CRYM: variants seen among roughly 807,000 people sequenced by gnomAD.
CRYM encodes the protein crystallin mu.
A neutral mutation model predicts 32.9 loss-of-function variants in CRYM; 18 were observed. That is an observed-to-expected ratio of 0.55 (90% confidence interval 0.38 to 0.81). The LOEUF (loss-of-function observed/expected upper bound fraction) is 0.81. Among genes scored for constraint, CRYM ranks in the 30% least tolerant of loss-of-function variants. The probability of loss-of-function intolerance (pLI) is 0.00; values close to 1 mark genes in which losing one functional copy is unlikely to be tolerated. For synonymous variants in CRYM, 153 were observed against 152.4 expected, an observed-to-expected ratio of 1.00 and a Z score of -0.03; for missense variants, 337 against 393.5, an observed-to-expected ratio of 0.86 and a Z score of 1.21.
chr16:21,261,851 A>C (rs945783432), intron 6 of CRYM, 186 bp downstream of exon 6: 6 of 633,548 alleles, frequency 9.5e-6, no homozygotes, highest in Non-Finnish European at 1.4e-5. Context: ...CACCACCCAT[A>C]ATGCCCATAT....
At chr16:21,290,605 A>G (rs74670026) in intron 1 of CRYM, among the ~76,000 whole-genome samples, 2,521 of 152,338 alleles carry the variant, frequency 0.017, 87 homozygotes, top group East Asian at 0.079. Context: ...GCTCAGACTT[A>G]TAATTTCATC....
At chr16:21,297,744 T>C (rs931790751) in intron 1 of CRYM, among the ~76,000 whole-genome samples, 5 of 152,188 alleles carry the variant, frequency 3.3e-5, no homozygotes, top group African/African-American at 1.2e-4. Flanking sequence ...TGACATGTAA[T>C]TACAGAACAG....
chr16:21,277,491 G>C lies in CRYM; in HGVS notation c.264C>G (p.Val88=). Residue 88 remains valine (V), a synonymous_variant, in exon 2 of 8, where the codon GTC becomes GTG. Coordinates refer to ENST00000572914, the MANE Select transcript of CRYM (RefSeq NM_001376256.1). This position sits in a 1 kb window ranked among gnomAD's most constrained non-coding sequence, Gnocchi z 4.2. ...TFYEDRGITS[V]VPSHQATVLL... ...GCACAGTAGCCTGGTGGGAAGGGAC[G>C]ACCGAGGTGATGCCGCGGTCCTCGT... 1 of 1,613,830 alleles carries C rather than the reference G, an allele frequency of 6.2e-7. No individual in the cohort carries two copies. The highest frequency in any genetic ancestry group is 8.5e-7 in the Non-Finnish European group (1 of 1,179,986).
At chr16:21,275,475 G>T in intron 3 of CRYM, 57 bp downstream of exon 3, 2 of 1,496,432 alleles carry the variant, frequency 1.3e-6, no homozygotes, top group South Asian at 2.3e-5. Flanking sequence ...TCAAGATTGA[G>T]ACACCAGACC....
intron 7 of CRYM, among the ~76,000 whole-genome samples, chr16:21,259,496 T>C (rs2093350553): frequency 6.6e-6 from 1 of 152,116 alleles, no homozygotes; most frequent in Admixed American, 6.6e-5. Context: ...AACTCTGCCT[T>C]TAGAGTAGAA....
chr16:21,277,604 A>G lies in CRYM; in HGVS notation c.171-20T>C. ...AGGTAGCTACAAGGAGAGAGGGAGC[A>G]GCTTCAGCCCCTTCCCATCAATGCT... is the stretch of plus-strand genomic sequence containing the variant. On this transcript the variant is annotated intron_variant, in intron 1 of 7. Coordinates refer to ENST00000572914, the MANE Select transcript of CRYM (RefSeq NM_001376256.1). This position sits in a 1 kb window ranked among gnomAD's most constrained non-coding sequence, Gnocchi z 4.2. 1 of 1,613,090 alleles carries G rather than the reference A, an allele frequency of 6.2e-7. No homozygotes were observed. Among genetic ancestry groups the G allele is most frequent in the Non-Finnish European group, 8.5e-7 (1 of 1,179,928 alleles).
chr16:21,301,527 G>A (rs1479098366), intron 1 of CRYM, among the ~76,000 whole-genome samples: 1 of 152,156 alleles, frequency 6.6e-6, no homozygotes, highest in Non-Finnish European at 1.5e-5. Flanking sequence ...ACGTTGGGCT[G>A]GTGAGGCAAC....
intron 3 of CRYM, among the ~76,000 whole-genome samples, chr16:21,272,042 T>G (rs1194614061): frequency 6.6e-6 from 1 of 151,132 alleles, no homozygotes; most frequent in Non-Finnish European, 1.5e-5. Flanking sequence ...TTTTTTTTTT[T>G]GGTAAAGATG....
chr16:21,289,915 A>T (rs1323999744), intron 1 of CRYM, among the ~76,000 whole-genome samples: 1 of 151,954 alleles, frequency 6.6e-6, no homozygotes, highest in Non-Finnish European at 1.5e-5. Flanking sequence ...AGGATTGTAA[A>T]CACACCAATC....
Position 21,278,254 on chromosome 16 carries a change from C to A in CRYM, c.-3G>T. 6.3e-7 allele frequency: 1 copy of A among 1,584,954 alleles called. No individual in the cohort carries two copies. Among genetic ancestry groups the A allele is most frequent in the Non-Finnish European group, 8.5e-7 (1 of 1,169,840 alleles). On this transcript the variant is annotated 5_prime_UTR_variant, in exon 1 of 8. Transcript: ENST00000572914. ...AGGAACGCTGGTACCCGGCTCATCT[C>A]GCCACCTGTGCCTTCTAACCTCAGT...
At chr16:21,294,207 C>A (rs962685868) in intron 1 of CRYM, among the ~76,000 whole-genome samples, 1 of 152,178 alleles carries the variant, frequency 6.6e-6, no homozygotes, top group Non-Finnish European at 1.5e-5. Flanking sequence ...ATTTTACACG[C>A]CCTTGCCCCT....
At chr16:21,278,340 T>C (rs189371585), upstream of CRYM, 1,353 of 1,481,482 alleles carry the variant, frequency 9.1e-4, 15 homozygotes, top group East Asian at 0.029. Flanking sequence ...CGCTGCTCTG[T>C]GGAGCCGCCT....
chr16:21,279,559 G>A (rs2093394486), upstream of CRYM, among the ~76,000 whole-genome samples: 1 of 152,196 alleles, frequency 6.6e-6, no homozygotes, highest in African/African-American at 2.4e-5. Flanking sequence ...AACGATTCTT[G>A]GAGTCAGGCA....
At chr16:21,294,729 C>A (rs1647303656) in intron 1 of CRYM, among the ~76,000 whole-genome samples, 1 of 143,618 alleles carries the variant, frequency 7.0e-6, no homozygotes, top group Admixed American at 7.3e-5. Flanking sequence ...CAGTCTTGCT[C>A]TGTTGCCCAT....
chr16:21,269,938 GA>G, intron 3 of CRYM, 47 bp from the exon 4 acceptor site: 1 of 1,381,816 alleles, frequency 7.2e-7, no homozygotes, highest in Non-Finnish European at 1.0e-6. Context: ...GACCCTAGCA[GA>G]CGGGTAAAAA....
chr16:21,293,030 G>GATAT (rs1960701580), intron 1 of CRYM, among the ~76,000 whole-genome samples: 1 of 141,820 alleles, frequency 7.1e-6, no homozygotes, highest in Non-Finnish European at 1.6e-5. Flanking sequence ...GTAGATAGAA[G>GATAT]ATAGATAGAT....
chr16:21,284,065 G>C (rs1261362038), intron 1 of CRYM: 1 of 152,172 alleles, frequency 6.6e-6, no homozygotes, highest in African/African-American at 2.4e-5. Context: ...CGCTGCCCGT[G>C]GTCGGCGCGC....
intron 5 of CRYM, among the ~76,000 whole-genome samples, chr16:21,267,230 T>C (rs988804829): frequency 6.6e-6 from 1 of 151,846 alleles, no homozygotes; most frequent in Non-Finnish European, 1.5e-5. Context: ...CATGAGTAGC[T>C]GGGACTACAG....
At chr16:21,265,553 A>G (rs551222461) in intron 5 of CRYM, among the ~76,000 whole-genome samples, 12 of 152,218 alleles carry the variant, frequency 7.9e-5, no homozygotes, top group African/African-American at 2.9e-4. Flanking sequence ...TTTGTTGTCT[A>G]TCTCTCCTCA....
Sources: allele counts gnomAD v4.1 joint callset (sites outside exome capture counted in the v4.1 genomes callset), GRCh38; gene constraint gnomAD v4.1.1; non-coding constraint Gnocchi (gnomAD v3.1); transcripts MANE v1.5; gene names NCBI Gene and HGNC (gene_info 2026-07-23, HGNC 2026-07-21).